FUT8: variants seen among roughly 807,000 people sequenced by gnomAD.
The protein encoded by FUT8 is fucosyltransferase 8.
In FUT8, 29 loss-of-function variants were observed where a neutral mutation model predicts 71.3. That is an observed-to-expected ratio of 0.41 (90% CI 0.30 to 0.55). The LOEUF (loss-of-function observed/expected upper bound fraction) is 0.55. Among genes scored for constraint, FUT8 ranks in the 20% least tolerant of loss-of-function variants. FUT8 has a pLI of 0.34. For synonymous variants in FUT8, 254 were observed against 239.3 expected (o/e 1.06, Z -0.57); for missense variants, 544 against 702.1 (o/e 0.77, Z 2.55).
chr14:65,421,484 C>T (rs141616164), intron 1 of FUT8, among the ~76,000 whole-genome samples: 1 of 152,248 alleles, frequency 6.6e-6, no homozygotes, highest in East Asian at 1.9e-4. Context: ...TGGTACCAAT[C>T]CTTCTTCCAC....
Position 65,584,404 on chromosome 14 carries a change from T to A in FUT8, c.203+22638T>A, listed in dbSNP as rs572429063. Among the ~76,000 whole-genome samples the A allele has an allele frequency of 1.3e-3, 196 of 152,278 alleles. 1 individual carries two copies. Among genetic ancestry groups the A allele is most frequent in the African/African-American group, 4.5e-3 (187 of 41,556 alleles). Reference sequence around the variant, plus strand: ...CATGTTGGCCAGGCTGGTCTCGAACTCCTGACCTCAGGTCATCTGCCCGCC... The same window carrying A: ...CATGTTGGCCAGGCTGGTCTCGAACACCTGACCTCAGGTCATCTGCCCGCC... On this transcript the variant is annotated intron_variant, in intron 3 of 10. Transcript: ENST00000673929.
intron 6 of FUT8, among the ~76,000 whole-genome samples, chr14:65,651,560 C>G (rs1891409057): frequency 6.6e-6 from 1 of 152,130 alleles, no homozygotes; most frequent in African/African-American, 2.4e-5. Context: ...AATCAGCTGA[C>G]ACTACACTAA....
chr14:65,397,293 A>G, the FUT8 span, among the ~76,000 whole-genome samples: 1 of 152,198 alleles, frequency 6.6e-6, no homozygotes, highest in Non-Finnish European at 1.5e-5. This position sits in a 1 kb window ranked among gnomAD's most constrained non-coding sequence, Gnocchi z 4.2. Flanking sequence ...GAGCACAGTA[A>G]CTTGTAATGT....
Position 65,677,151 on chromosome 14 carries a change from T to TGTGTGTGC in FUT8, c.835+7672_835+7673insTGTGTGCG. On this transcript the variant is annotated intron_variant, in intron 7 of 10. Coordinates refer to ENST00000673929, the MANE Select transcript of FUT8 (RefSeq NM_001371533.1). The stretch of plus-strand genomic sequence containing the variant: ...GTGTGTGTGTGTGTGTGTGTGTGTG[T>TGTGTGTGC]GCGCGCGCGCATGCGCGCGCACGTA... 8.8e-3 allele frequency among the ~76,000 whole-genome samples: 970 copies of TGTGTGTGC among 110,658 alleles called. 6 individuals are homozygous for TGTGTGTGC. The highest frequency in any genetic ancestry group is 0.01 in the African/African-American group (266 of 26,300). The allele number at this position is 110,658 out of a possible 152,430, so 72.6% of individuals were successfully genotyped here.
chr14:65,429,396 G>A (rs756928532), intron 1 of FUT8, among the ~76,000 whole-genome samples: 8 of 152,152 alleles, frequency 5.3e-5, no homozygotes, highest in African/African-American at 1.2e-4. Flanking sequence ...TAATGATGGT[G>A]TCATTACAGC....
chr14:65,438,677 T>G (rs2065596997), intron 1 of FUT8, among the ~76,000 whole-genome samples: 1 of 152,222 alleles, frequency 6.6e-6, no homozygotes, highest in Non-Finnish European at 1.5e-5. Context: ...GATTTTCTTA[T>G]TATGCATTGC....
chr14:65,691,652 G>A (rs1893603010), intron 7 of FUT8, among the ~76,000 whole-genome samples: 1 of 151,868 alleles, frequency 6.6e-6, no homozygotes, highest in Admixed American at 6.6e-5. Context: ...CTCGCAGAGG[G>A]GGATTTGGCA....
intron 6 of FUT8, among the ~76,000 whole-genome samples, chr14:65,642,652 GTGTC>G (rs1260988821): frequency 6.6e-6 from 1 of 150,974 alleles, no homozygotes; most frequent in African/African-American, 2.4e-5. Context: ...TGTGTCATGT[GTGTC>G]TGTCTTTCTG....
intron 2 of FUT8, among the ~76,000 whole-genome samples, chr14:65,555,404 G>C (rs1266857183): frequency 4.6e-5 from 7 of 152,110 alleles, no homozygotes; most frequent in African/African-American, 1.7e-4. Flanking sequence ...TTCTATTTCT[G>C]ATAATTGTCC....
At chr14:65,553,051 G>A (rs1204344694) in intron 2 of FUT8, among the ~76,000 whole-genome samples, 1 of 152,094 alleles carries the variant, frequency 6.6e-6, no homozygotes, top group Non-Finnish European at 1.5e-5. Context: ...AACCTCCAGG[G>A]CTCAAGTGAT....
intron 1 of FUT8, among the ~76,000 whole-genome samples, chr14:65,423,700 A>G (rs1012650353): frequency 1.3e-5 from 2 of 152,220 alleles, no homozygotes; most frequent in African/African-American, 4.8e-5. Flanking sequence ...GGCTGGCATT[A>G]TATTCTTCAG....
In FUT8 at chr14:65,709,078, C is replaced by T. The variant is rs141739945; in HGVS notation, c.836-12697C>T. Among the ~76,000 whole-genome samples, 168 of 151,998 alleles carry T rather than the reference C, an allele frequency of 1.1e-3. 1 individual carries two copies. The highest frequency in any genetic ancestry group is 3.7e-3 in the African/African-American group (155 of 41,430). On this transcript the variant is annotated intron_variant, in intron 7 of 10. Coordinates refer to ENST00000673929, the MANE Select transcript of FUT8 (RefSeq NM_001371533.1). ...TTAGCTTGATGTAATCTTTCTACAA[C>T]GTATATAAATATCAAAACACCACAT...
At chr14:65,572,292 G>A (rs921387321) in intron 3 of FUT8, among the ~76,000 whole-genome samples, 1 of 152,146 alleles carries the variant, frequency 6.6e-6, no homozygotes, top group African/African-American at 2.4e-5. Flanking sequence ...AACAACAGCT[G>A]TTAATATGTG....
At chr14:65,570,768 G>C (rs1360447935) in intron 3 of FUT8, among the ~76,000 whole-genome samples, 2 of 152,122 alleles carry the variant, frequency 1.3e-5, no homozygotes, top group African/African-American at 2.4e-5. Context: ...AATATGGTCT[G>C]AGAAGGACTT....
At chr14:65,436,012 T>C (rs536862156) in intron 1 of FUT8, among the ~76,000 whole-genome samples, 1 of 148,364 alleles carries the variant, frequency 6.7e-6, no homozygotes, top group East Asian at 2.1e-4. Flanking sequence ...CACTGTAGCC[T>C]CAGACGACTC....
At position 65,692,203 on chromosome 14, in the gene FUT8, C is replaced by T. The variant is rs543455120; in HGVS notation, c.835+22723C>T. Among the ~76,000 whole-genome samples, 368 of 151,686 alleles carry T rather than the reference C, an allele frequency of 2.4e-3. 3 individuals carry two copies. The highest frequency in any genetic ancestry group is 8.4e-3 in the African/African-American group (346 of 41,392). ...CCGGGCAGAGGTTCCCCTCACCTCC[C>T]GGACGGGGCGGCTGGCCAGGCGGGG... On this transcript the variant is annotated intron_variant, in intron 7 of 10. Transcript: ENST00000673929.
intron 1 of FUT8, among the ~76,000 whole-genome samples, chr14:65,416,084 C>T (rs2065215513): frequency 1.3e-5 from 2 of 152,120 alleles, no homozygotes; most frequent in South Asian, 2.1e-4. Flanking sequence ...ATAGATTCTT[C>T]CATTTCATTA....
chr14:65,482,987 G>T (rs990051174), intron 2 of FUT8, among the ~76,000 whole-genome samples: 5 of 152,188 alleles, frequency 3.3e-5, no homozygotes, highest in African/African-American at 1.2e-4. Context: ...GGCTTCTGCA[G>T]TGCTCAGAGG....
chr14:65,595,907 C>G (rs1887955706), intron 3 of FUT8, among the ~76,000 whole-genome samples: 1 of 152,148 alleles, frequency 6.6e-6, no homozygotes, highest in South Asian at 2.1e-4. Flanking sequence ...CCACGCGCGG[C>G]CCACACCATC....
Sources: gnomAD v4.1 joint callset for allele counts (sites outside exome capture counted in the v4.1 genomes callset) on GRCh38, gnomAD v4.1.1 for gene constraint, Gnocchi (gnomAD v3.1) non-coding constraint, MANE v1.5 for transcripts, NCBI Gene and HGNC (gene_info 2026-07-23, HGNC 2026-07-21) for gene names.